PKN2: variants seen among roughly 807,000 people sequenced by gnomAD.
The protein encoded by PKN2 is protein kinase N2, also known as serine/threonine-protein kinase N2.
PKN2 carries 38 observed loss-of-function variants against 119.1 expected under a neutral mutation model. The observed-to-expected ratio is 0.32, with a 90% CI of 0.25 to 0.42. PKN2 has a LOEUF of 0.42. Among genes scored for constraint, PKN2 ranks in the 10% least tolerant of loss-of-function variants. The probability of loss-of-function intolerance (pLI) is 1.00; values close to 1 mark genes in which losing one functional copy is unlikely to be tolerated. For synonymous variants in PKN2, 390 were observed against 384.9 expected, an observed-to-expected ratio of 1.01 and a Z score of -0.15; for missense variants, 850 against 1,165.1, an observed-to-expected ratio of 0.73 and a Z score of 3.94.
intron 15 of PKN2, among the ~76,000 whole-genome samples, chr1:88,809,397 T>C (rs2100885657): frequency 6.6e-6 from 1 of 152,330 alleles, no homozygotes; most frequent in East Asian, 1.9e-4. Context: ...CCTGAAGGAA[T>C]ATTTGCTTTT....
At chr1:88,734,843 C>T (rs956162972) in intron 1 of PKN2, among the ~76,000 whole-genome samples, 7 of 152,102 alleles carry the variant, frequency 4.6e-5, no homozygotes, top group Non-Finnish European at 8.8e-5. Flanking sequence ...AGCAACCCAA[C>T]TTTGATTGTA....
At chr1:88,748,044 A>G (rs1668837025) in intron 2 of PKN2, among the ~76,000 whole-genome samples, 1 of 152,176 alleles carries the variant, frequency 6.6e-6, no homozygotes, top group Non-Finnish European at 1.5e-5. Flanking sequence ...CTTTAAAATC[A>G]TGAGATTAAA....
intron 2 of PKN2, among the ~76,000 whole-genome samples, chr1:88,747,651 G>A (rs1161411049): frequency 6.6e-6 from 1 of 152,138 alleles, no homozygotes; most frequent in East Asian, 1.9e-4. Flanking sequence ...AATTTGGGTA[G>A]TGTATAGTCT....
chr1:88,724,030 TGA>T (rs1214557007), intron 1 of PKN2, among the ~76,000 whole-genome samples: 2 of 152,184 alleles, frequency 1.3e-5, no homozygotes, highest in Non-Finnish European at 2.9e-5. Flanking sequence ...TTTAGAGATT[TGA>T]GAGAGAAGGA....
chr1:88,712,069 G>A (rs571806705), intron 1 of PKN2, among the ~76,000 whole-genome samples: 28 of 152,044 alleles, frequency 1.8e-4, no homozygotes, highest in African/African-American at 6.3e-4. Context: ...TACATTATTG[G>A]TTTAAAAAAT....
At chr1:88,720,263 C>T (rs1293052141) in intron 1 of PKN2, among the ~76,000 whole-genome samples, 1 of 152,142 alleles carries the variant, frequency 6.6e-6, no homozygotes, top group African/African-American at 2.4e-5. Flanking sequence ...TCAAGCAATC[C>T]TCCTGCCTTG....
chr1:88,730,414 A>G (rs1265845170), intron 1 of PKN2, among the ~76,000 whole-genome samples: 2 of 152,164 alleles, frequency 1.3e-5, no homozygotes, highest in Admixed American at 6.5e-5. Context: ...CTGCTCTGCC[A>G]TCCTTAGTGT....
At chr1:88,753,637 G>A (rs747297198) in intron 2 of PKN2, among the ~76,000 whole-genome samples, 29 of 149,890 alleles carry the variant, frequency 1.9e-4, no homozygotes, top group South Asian at 4.2e-4. Context: ...GGTGGAAGGC[G>A]AAAGAGAAGC....
In PKN2 at chr1:88,760,226, C is replaced by T; in HGVS notation, c.354C>T (p.Cys118=). 1 of 1,525,744 alleles carries T rather than the reference C, an allele frequency of 6.6e-7. No homozygotes were observed. The highest frequency in any genetic ancestry group is 1.4e-5 in the African/African-American group (1 of 71,858). The allele number at this position is 1,525,744 out of a possible 1,614,324, so 94.5% of individuals were successfully genotyped here. ...VVSDPEDITD[C]PRTPDTPNND... ...TTAACAATATTTTATTTACAGATTG[C>T]CCAAGGACTCCAGATACTCCAAATA... Residue 118 remains cysteine, a synonymous_variant, in exon 3 of 22, where the codon TGC becomes TGT. Transcript: ENST00000370521.
intron 16 of PKN2, among the ~76,000 whole-genome samples, chr1:88,817,624 G>A (rs1301168183): frequency 4.7e-5 from 7 of 149,644 alleles, no homozygotes; most frequent in East Asian, 2.0e-4. Flanking sequence ...CAGGAGAATC[G>A]CTTGAACCCT....
At chr1:88,728,155 T>C (rs968237362) in intron 1 of PKN2, among the ~76,000 whole-genome samples, 7 of 152,120 alleles carry the variant, frequency 4.6e-5, no homozygotes, top group Non-Finnish European at 7.4e-5. Context: ...TCTGTTTTTT[T>C]CCTTCTACCT....
intron 9 of PKN2, 24 bp downstream of exon 9, chr1:88,804,558 G>T: frequency 6.3e-7 from 1 of 1,590,334 alleles, no homozygotes. Context: ...TTTATTAAAT[G>T]TGCATAACTA....
intron 3 of PKN2, among the ~76,000 whole-genome samples, chr1:88,769,710 CA>C (rs1370008027): frequency 6.6e-6 from 1 of 151,944 alleles, no homozygotes; most frequent in Non-Finnish European, 1.5e-5. Flanking sequence ...AAGCCAGACA[CA>C]GGAAGAAAAA....
intron 1 of PKN2, among the ~76,000 whole-genome samples, chr1:88,731,426 A>G (rs955103556): frequency 2.6e-5 from 4 of 152,214 alleles, no homozygotes; most frequent in Non-Finnish European, 5.9e-5. Flanking sequence ...TAGTTCAAAT[A>G]TAGATAAACG....
intron 2 of PKN2, among the ~76,000 whole-genome samples, chr1:88,746,500 G>GAA (rs35421801): frequency 4.6e-5 from 7 of 151,736 alleles, no homozygotes; most frequent in African/African-American, 1.5e-4. Context: ...CAGATAATAT[G>GAA]AAAAAAATGA....
intron 19 of PKN2, among the ~76,000 whole-genome samples, chr1:88,831,724 A>G (rs1224206852): frequency 2.0e-5 from 3 of 152,062 alleles, no homozygotes. Flanking sequence ...GCAAGCAGCC[A>G]AATCAAATCT....
intron 2 of PKN2, among the ~76,000 whole-genome samples, chr1:88,757,066 T>G (rs1469884846): frequency 6.6e-6 from 1 of 152,176 alleles, no homozygotes; most frequent in Non-Finnish European, 1.5e-5. Flanking sequence ...TGATTTGATT[T>G]GAAAACTTAC....
At chr1:88,749,609 C>T (rs1250139230) in intron 2 of PKN2, among the ~76,000 whole-genome samples, 2 of 152,222 alleles carry the variant, frequency 1.3e-5, no homozygotes, top group East Asian at 1.9e-4. Context: ...TCATTACAAC[C>T]TGAGTAGGTT....
chr1:88,725,596 A>T (rs1667864438), intron 1 of PKN2, among the ~76,000 whole-genome samples: 1 of 152,148 alleles, frequency 6.6e-6, no homozygotes, highest in Non-Finnish European at 1.5e-5. Flanking sequence ...TGGTTGTTTC[A>T]TTACTGTTGA....
Sources: gnomAD v4.1 joint callset for allele counts (sites outside exome capture counted in the v4.1 genomes callset) on GRCh38, gnomAD v4.1.1 for gene constraint, MANE v1.5 for transcripts, NCBI Gene and HGNC (gene_info 2026-07-23, HGNC 2026-07-21) for gene names.